Variants in PCCA observed in about 807,000 individuals in gnomAD.
PCCA encodes the protein propionyl-CoA carboxylase subunit alpha.
Under a neutral mutation model 101.3 loss-of-function variants are expected in PCCA, and 74 were observed. The observed-to-expected ratio is 0.73, with a 90% CI of 0.61 to 0.89. The LOEUF (loss-of-function observed/expected upper bound fraction) is 0.89, where lower values mean the gene tolerates loss of function less well. Ranked by LOEUF, PCCA falls within the 40% of genes least tolerant of loss-of-function variation. PCCA has a pLI of 0.00. For synonymous variants in PCCA, 294 were observed against 313.6 expected (o/e 0.94, Z 0.66); for missense variants, 891 against 907.0 (o/e 0.98, Z 0.23).
At chr13:100,470,893 A>C (rs1377698677) in intron 21 of PCCA, among the ~76,000 whole-genome samples, 1 of 152,082 alleles carries the variant, frequency 6.6e-6, no homozygotes, top group African/African-American at 2.4e-5. Flanking sequence ...TCATATCAGC[A>C]ACAAGGCTAT....
intron 6 of PCCA, among the ~76,000 whole-genome samples, chr13:100,173,020 T>G (rs1431902081): frequency 6.6e-6 from 1 of 152,214 alleles, no homozygotes; most frequent in Non-Finnish European, 1.5e-5. Flanking sequence ...TTACCCATCC[T>G]TATTTTTTCC....
At chr13:100,139,170 A>G (rs2051560408) in intron 4 of PCCA, among the ~76,000 whole-genome samples, 1 of 151,522 alleles carries the variant, frequency 6.6e-6, no homozygotes, top group Non-Finnish European at 1.5e-5. Flanking sequence ...ACTTTCAGGA[A>G]TTTTGTCTTT....
chr13:100,423,268 C>T (rs1251108900), intron 19 of PCCA, among the ~76,000 whole-genome samples: 2 of 152,170 alleles, frequency 1.3e-5, no homozygotes, highest in African/African-American at 4.8e-5. Flanking sequence ...TGCATGTACA[C>T]AGTGGATCTG....
At chr13:100,272,578 C>T (rs2063373361) in intron 11 of PCCA, among the ~76,000 whole-genome samples, 1 of 152,010 alleles carries the variant, frequency 6.6e-6, no homozygotes, top group Admixed American at 6.6e-5. Flanking sequence ...CACACACACA[C>T]ACAAATGCAA....
intron 5 of PCCA, 39 bp from the exon 6 acceptor site, chr13:100,157,248 A>G (rs2053976813): frequency 2.8e-6 from 4 of 1,436,270 alleles, no homozygotes; most frequent in African/African-American, 1.4e-5. Flanking sequence ...CTTTTGCAAT[A>G]TGATAAAATT....
intron 6 of PCCA, among the ~76,000 whole-genome samples, chr13:100,168,042 C>G (rs1199218967): frequency 2.0e-5 from 3 of 152,178 alleles, no homozygotes; most frequent in Admixed American, 6.5e-5. Context: ...ACCACTGACC[C>G]CCTCTTTTCT....
chr13:100,130,947 AAAG>A (rs2050447018), intron 4 of PCCA, among the ~76,000 whole-genome samples: 1 of 152,202 alleles, frequency 6.6e-6, no homozygotes, highest in African/African-American at 2.4e-5. Context: ...TACATTTAAA[AAAG>A]TAATTTATTT....
intron 12 of PCCA, among the ~76,000 whole-genome samples, chr13:100,282,562 AG>A (rs1195500224): frequency 6.6e-6 from 1 of 152,210 alleles, no homozygotes; most frequent in African/African-American, 2.4e-5. Flanking sequence ...TGAGGGGCTT[AG>A]CACCCGGGCC....
chr13:100,194,527 C>T (rs1459817170), intron 6 of PCCA, among the ~76,000 whole-genome samples: 1 of 152,164 alleles, frequency 6.6e-6, no homozygotes, highest in Non-Finnish European at 1.5e-5. Context: ...AAGCAATTCT[C>T]CTGCCTCAGC....
chr13:100,517,966 C>T (rs548787866), intron 22 of PCCA, among the ~76,000 whole-genome samples: 58 of 152,280 alleles, frequency 3.8e-4, no homozygotes, highest in African/African-American at 1.3e-3. Context: ...CACTACCTGT[C>T]ACGTTGAAAT....
Position 100,325,721 on chromosome 13 carries a change from C to T in PCCA, c.1430-4840C>T, listed in dbSNP as rs1020610716. Among the ~76,000 whole-genome samples, 3 of 152,252 alleles carry T rather than the reference C, an allele frequency of 2.0e-5. No individual in the cohort carries two copies. The East Asian group carries it at 5.8e-4, about 29-fold the overall frequency. On this transcript the variant is annotated intron_variant, in intron 16 of 23. Coordinates refer to ENST00000376285, the MANE Select transcript of PCCA (RefSeq NM_000282.4). Reference sequence around the variant, plus strand: ...CTTGAAGGAAAATGATAAGCACCGGCTGCCAGTCTTCTGGTTGTACAACAA... The same window carrying T: ...CTTGAAGGAAAATGATAAGCACCGGTTGCCAGTCTTCTGGTTGTACAACAA...
intron 4 of PCCA, among the ~76,000 whole-genome samples, chr13:100,122,181 C>T (rs1188128268): frequency 1.3e-5 from 2 of 152,090 alleles, no homozygotes; most frequent in Non-Finnish European, 2.9e-5. Flanking sequence ...GTTAAACCAG[C>T]CTTGAATTCC....
chr13:100,239,580 A>T (rs1453496084), intron 8 of PCCA, among the ~76,000 whole-genome samples: 1 of 152,140 alleles, frequency 6.6e-6, no homozygotes, highest in African/African-American at 2.4e-5. Context: ...AAGTTGAGAG[A>T]TACAGAGCTA....
In PCCA at chr13:100,305,054, G is replaced by A. The variant is rs2066346350; in HGVS notation, c.1284+2056G>A. ...TATAGCCTTTCATTGAAGGAATGGA[G>A]ACTTGATCTGACTTCAGATTGGTTG... On this transcript the variant is annotated intron_variant, in intron 14 of 23. Coordinates refer to ENST00000376285, the MANE Select transcript of PCCA (RefSeq NM_000282.4). 2.0e-5 allele frequency among the ~76,000 whole-genome samples: 3 copies of A among 152,180 alleles called. No homozygotes were observed. In the South Asian group the frequency reaches 6.2e-4, roughly 32 times the overall value.
At chr13:100,180,199 A>G (rs996296218) in intron 6 of PCCA, among the ~76,000 whole-genome samples, 1 of 152,214 alleles carries the variant, frequency 6.6e-6, no homozygotes, top group Non-Finnish European at 1.5e-5. Flanking sequence ...CTGAAGAACT[A>G]TGTGATTAAG....
At chr13:100,308,999 G>T (rs1310996545) in intron 15 of PCCA, among the ~76,000 whole-genome samples, 1 of 152,122 alleles carries the variant, frequency 6.6e-6, no homozygotes, top group African/African-American at 2.4e-5. Flanking sequence ...AGTACCATTT[G>T]CTTCTGTGTA....
intron 12 of PCCA, among the ~76,000 whole-genome samples, chr13:100,300,107 T>C (rs1012570836): frequency 2.0e-5 from 3 of 152,246 alleles, no homozygotes; most frequent in African/African-American, 7.2e-5. Context: ...TACTTTCTTA[T>C]TGTATTTATC....
At chr13:100,277,587 C>T (rs747473644) in intron 12 of PCCA, among the ~76,000 whole-genome samples, 6 of 152,168 alleles carry the variant, frequency 3.9e-5, no homozygotes, top group African/African-American at 7.2e-5. Flanking sequence ...TGACTCTCAA[C>T]ACCCCCCAAA....
chr13:100,250,965 G>A (rs1459557566), intron 8 of PCCA, among the ~76,000 whole-genome samples: 2 of 151,928 alleles, frequency 1.3e-5, no homozygotes, highest in African/African-American at 4.8e-5. Flanking sequence ...GTAGTATAAT[G>A]TAAACCCATG....
Sources: allele counts gnomAD v4.1 joint callset (sites outside exome capture counted in the v4.1 genomes callset), GRCh38; gene constraint gnomAD v4.1.1; transcripts MANE v1.5; gene names NCBI Gene and HGNC (gene_info 2026-07-23, HGNC 2026-07-21).